The following SLC24A2 variants were observed in gnomAD, a reference collection of about 807,000 sequenced individuals.
SLC24A2 encodes the protein solute carrier family 24 member 2, also known as sodium/potassium/calcium exchanger 2.
SLC24A2 carries 36 observed loss-of-function variants against 62.0 expected under a neutral mutation model. That is an observed-to-expected ratio of 0.58 (90% CI 0.44 to 0.77). SLC24A2 has a LOEUF of 0.77. Among genes scored for constraint, SLC24A2 ranks in the 30% least tolerant of loss-of-function variants. The pLI is 0.00. For missense variants in SLC24A2, 846 were observed against 817.9 expected (o/e 1.03, Z -0.42); for synonymous variants, 358 against 294.0 (o/e 1.22, Z -2.23).
intron 4 of SLC24A2, among the ~76,000 whole-genome samples, chr9:19,614,467 T>C (rs966817027): frequency 2.6e-5 from 4 of 152,168 alleles, no homozygotes; most frequent in Non-Finnish European, 2.9e-5. Flanking sequence ...CAATGAACAG[T>C]GGAACCAATA....
At chr9:20,248,689 T>C in the SLC24A2 span, among the ~76,000 whole-genome samples, 4 of 152,220 alleles carry the variant, frequency 2.6e-5, no homozygotes, top group Non-Finnish European at 1.5e-5. Context: ...ACATTCAGTC[T>C]ACACCGAGCA....
At chr9:19,711,450 C>T (rs1002837648) in intron 2 of SLC24A2, among the ~76,000 whole-genome samples, 1 of 152,126 alleles carries the variant, frequency 6.6e-6, no homozygotes, top group Non-Finnish European at 1.5e-5. Context: ...ATGCCATAAA[C>T]ATTTAAAGAA....
At chr9:19,979,612 G>C in the SLC24A2 span, among the ~76,000 whole-genome samples, 3 of 152,122 alleles carry the variant, frequency 2.0e-5, no homozygotes, top group Admixed American at 6.6e-5. Flanking sequence ...TCATTCTCTA[G>C]CATCGATCTC....
chr9:20,082,784 A>T, the SLC24A2 span, among the ~76,000 whole-genome samples: 9 of 152,252 alleles, frequency 5.9e-5, no homozygotes, highest in Admixed American at 3.3e-4. Context: ...ATTATTTCTA[A>T]AAACAAGAAT....
chr9:19,697,331 G>A (rs144235578), intron 2 of SLC24A2, among the ~76,000 whole-genome samples: 1 of 152,214 alleles, frequency 6.6e-6, no homozygotes, highest in Non-Finnish European at 1.5e-5. Context: ...AGTGGATGCT[G>A]GACTTAATAT....
At chr9:20,177,178 G>C in the SLC24A2 span, among the ~76,000 whole-genome samples, 1 of 151,868 alleles carries the variant, frequency 6.6e-6, no homozygotes, top group Non-Finnish European at 1.5e-5. Flanking sequence ...TAGGCCATTT[G>C]TTAAATATCT....
chr9:20,019,083 GAGAAAGAAAGAAAGAAAGATAGAAAGAA>G, the SLC24A2 span, among the ~76,000 whole-genome samples: 142 of 106,070 alleles, frequency 1.3e-3, 4 homozygotes, highest in African/African-American at 4.3e-3. Flanking sequence ...CAGAGAAAGA[GAGAAAGAAAGAAAGAAAGATAGAAAGAA>G]AGAAAGAAAG....
At chr9:19,895,682 A>C in the SLC24A2 span, 1 of 860,654 alleles carries the variant, frequency 1.2e-6, no homozygotes, top group African/African-American at 1.7e-5. Context: ...GCCTTCCTTC[A>C]CATTGCACTG....
chr9:20,206,865 A>T, the SLC24A2 span, among the ~76,000 whole-genome samples: 1 of 73,836 alleles, frequency 1.4e-5, no homozygotes, highest in African/African-American at 6.6e-5. Flanking sequence ...TAACCCTCAT[A>T]AAAAAAAAAC....
the SLC24A2 span, among the ~76,000 whole-genome samples, chr9:20,238,916 T>A: frequency 6.5e-4 from 99 of 152,302 alleles, no homozygotes; most frequent in African/African-American, 2.3e-3. Context: ...CCTATTCCTG[T>A]CTCTTCTTCC....
chr9:20,301,734 A>C, the SLC24A2 span, among the ~76,000 whole-genome samples: 1 of 152,158 alleles, frequency 6.6e-6, no homozygotes, highest in South Asian at 2.1e-4. Context: ...CTGTCAGCCA[A>C]TGTTGACACA....
the SLC24A2 span, among the ~76,000 whole-genome samples, chr9:19,845,785 G>T: frequency 3.9e-5 from 6 of 152,084 alleles, no homozygotes; most frequent in South Asian, 4.2e-4. Context: ...TTGGTATGTT[G>T]TTTCTCTGGT....
chr9:20,095,815 C>T, the SLC24A2 span, among the ~76,000 whole-genome samples: 3 of 151,946 alleles, frequency 2.0e-5, no homozygotes, highest in Non-Finnish European at 4.4e-5. Flanking sequence ...GGAGGCCTCA[C>T]AAGCATGGTG....
chr9:20,277,791 G>A, the SLC24A2 span, among the ~76,000 whole-genome samples: 1 of 152,162 alleles, frequency 6.6e-6, no homozygotes, highest in African/African-American at 2.4e-5. Flanking sequence ...GCACACATAT[G>A]TTTACTGCAG....
intron 2 of SLC24A2, among the ~76,000 whole-genome samples, chr9:19,644,612 A>G (rs571374297): frequency 3.9e-5 from 6 of 152,146 alleles, no homozygotes; most frequent in East Asian, 1.9e-4. Context: ...TCTATCTCCA[A>G]TTCTAGCCTG....
the SLC24A2 span, chr9:19,957,522 T>G: frequency 6.6e-6 from 1 of 152,308 alleles, no homozygotes; most frequent in Admixed American, 6.5e-5. Context: ...TGAGCATAGG[T>G]CAGTTCCACT....
chr9:20,195,217 A>C, the SLC24A2 span, among the ~76,000 whole-genome samples: 1 of 152,162 alleles, frequency 6.6e-6, no homozygotes, highest in African/African-American at 2.4e-5. Flanking sequence ...GGGAAATTAT[A>C]AACAATGCTT....
intron 7 of SLC24A2, among the ~76,000 whole-genome samples, chr9:19,552,466 C>A (rs930051999): frequency 3.3e-5 from 5 of 152,162 alleles, no homozygotes; most frequent in Admixed American, 3.3e-4. Flanking sequence ...GGCATGGGAG[C>A]CTTGGGGTAC....
At chr9:19,518,425 C>CTTT (rs59805848) in intron 10 of SLC24A2, among the ~76,000 whole-genome samples, 27 of 141,272 alleles carry the variant, frequency 1.9e-4, no homozygotes, top group African/African-American at 5.9e-4. Context: ...CTTTTCTTTT[C>CTTT]TTTTTTTTTT....
Sources: gnomAD v4.1 joint callset for allele counts (sites outside exome capture counted in the v4.1 genomes callset) on GRCh38, gnomAD v4.1.1 for gene constraint, MANE v1.5 for transcripts, NCBI Gene and HGNC (gene_info 2026-07-23, HGNC 2026-07-21) for gene names.